Variants in CNGA3 observed in about 807,000 individuals in gnomAD.
The protein encoded by CNGA3 is cyclic nucleotide-gated channel alpha-3.
A neutral mutation model predicts 46.6 loss-of-function variants in CNGA3; 42 were observed. The observed-to-expected ratio is 0.90, with a 90% CI of 0.70 to 1.17. The LOEUF is 1.17. CNGA3 is among the 50% of genes most tolerant of loss of function. The pLI is 0.00. For missense variants in CNGA3, 893 were observed against 890.7 expected, an observed-to-expected ratio of 1.00 and a Z score of -0.03; for synonymous variants, 394 against 369.4, an observed-to-expected ratio of 1.07 and a Z score of -0.76.
chr2:98,380,430 T>C (rs1251588494), intron 4 of CNGA3, 76 bp downstream of exon 4: 1 of 1,524,552 alleles, frequency 6.6e-7, no homozygotes, highest in Non-Finnish European at 8.9e-7. Context: ...TGCTCCATCC[T>C]GTTTGGATGC....
chr2:98,349,514 A>T (rs1338456876), intron 1 of CNGA3, among the ~76,000 whole-genome samples: 1 of 152,216 alleles, frequency 6.6e-6, no homozygotes, highest in Non-Finnish European at 1.5e-5. Context: ...ACATTTATTC[A>T]TTCTATACTC....
intron 1 of CNGA3, among the ~76,000 whole-genome samples, chr2:98,367,251 G>T (rs1333780698): frequency 4.0e-5 from 6 of 148,910 alleles, no homozygotes; most frequent in Non-Finnish European, 7.4e-5. Context: ...CAGGAGTGCA[G>T]TGGCGCGATC....
chr2:98,396,634 A>C lies in CNGA3; in HGVS notation c.1464A>C (p.Ala488=), dbSNP rs1165495562. 1.2e-6 allele frequency: 2 copies of C among 1,614,016 alleles called. No individual in the cohort carries two copies. Among genetic ancestry groups the C allele is most frequent in the African/African-American group, 2.7e-5 (2 of 74,928 alleles). The change falls in exon 8 of 8, where the codon GCA becomes GCC. Residue 488 remains alanine (A), a synonymous_variant. Coordinates refer to ENST00000272602, the MANE Select transcript of CNGA3 (RefSeq NM_001298.3). ...KKVRIFQDCE[A]GLLVELVLKL... ...TTCGCATCTTCCAGGACTGTGAGGC[A>C]GGGCTGCTGGTGGAGCTGGTGCTGA...
At chr2:98,392,027 A>T in intron 7 of CNGA3, 57 bp downstream of exon 7, 2 of 1,491,708 alleles carry the variant, frequency 1.3e-6, no homozygotes, top group Non-Finnish European at 1.9e-6. Context: ...GTGTTCCGGG[A>T]GACCCAGCAT....
At chr2:98,360,915 T>C (rs893723542) in intron 1 of CNGA3, among the ~76,000 whole-genome samples, 1 of 152,188 alleles carries the variant, frequency 6.6e-6, no homozygotes, top group Non-Finnish European at 1.5e-5. Context: ...GCTTAGCACA[T>C]TGACTGGAAT....
rs899246842 is a variant in CNGA3 at position 98,397,604 on chromosome 2, T to C, written c.*349T>C. ...GGTGTTTTTAGGCTTTTTAATCTGA[T>C]TTTCTTATAAATGAAAGATTATTTA... On this transcript the variant is annotated 3_prime_UTR_variant, in exon 8 of 8. Transcript: ENST00000272602. 2.9e-6 allele frequency: 1 copy of C among 349,976 alleles called. No individual in the cohort carries two copies. The highest frequency in any genetic ancestry group is 4.6e-5 in the Admixed American group (1 of 21,740). 21.7% of individuals were successfully genotyped at this position (349,976 alleles called of 1,614,324 possible).
At chr2:98,377,556 C>A (rs759288692) in intron 2 of CNGA3, 131 bp from the exon 3 acceptor site, 17 of 832,010 alleles carry the variant, frequency 2.0e-5, no homozygotes, top group Admixed American at 8.1e-5. Flanking sequence ...AAGTGGGGAG[C>A]CCCTGGGATG....
Position 98,396,152 on chromosome 2 carries a change from A to C in CNGA3, c.982A>C (p.Ile328Leu), listed in dbSNP as rs765181562. Reference sequence around the variant, plus strand: ...CATCTACTTTGCCATTTCCAAGTTCATTGGTTTTGGGACAGACTCCTGGGT... The same window carrying C: ...CATCTACTTTGCCATTTCCAAGTTCCTTGGTTTTGGGACAGACTCCTGGGT... ...ACIYFAISKF[I>L]GFGTDSWVYP... The change falls in exon 8 of 8, where the codon ATT becomes CTT. Residue 328 changes from isoleucine to leucine, a missense_variant. Ile to Leu is a conservative substitution (Grantham distance 5, BLOSUM62 2). Around this residue, in one of 3 missense-constraint regions of CNGA3, gnomAD observed 548 missense variants for 570.8 expected, o/e 0.96. Transcript: ENST00000272602. 7 of 1,614,182 alleles carry C rather than the reference A, an allele frequency of 4.3e-6. No homozygotes were observed. The highest frequency in any genetic ancestry group is 5.9e-6 in the Non-Finnish European group (7 of 1,180,022).
chr2:98,374,908 A>G (rs1692370375), intron 2 of CNGA3, among the ~76,000 whole-genome samples: 1 of 152,244 alleles, frequency 6.6e-6, no homozygotes, highest in South Asian at 2.1e-4. Flanking sequence ...CCTTTCTGGT[A>G]ACTGAAATCC....
intron 1 of CNGA3, among the ~76,000 whole-genome samples, chr2:98,354,268 G>A (rs114249769): frequency 1.3e-3 from 200 of 152,202 alleles, no homozygotes; most frequent in African/African-American, 4.7e-3. Flanking sequence ...GTGATTGGTT[G>A]AATCTGCAGA....
chr2:98,397,088 C>G lies in CNGA3; in HGVS notation c.1918C>G (p.Leu640Val). The G allele has an allele frequency of 6.2e-6, 10 of 1,614,168 alleles. No homozygotes were observed. The highest frequency in any genetic ancestry group is 8.5e-6 in the Non-Finnish European group (10 of 1,180,022). ...GCAGCTGGGGTCCTCCCTGGACACC[C>G]TGCAGACCAGGTTTGCACGCCTCCT... Reference protein sequence around the residue: ...VEQLGSSLDTLQTRFARLLAE... With the variant: ...VEQLGSSLDTVQTRFARLLAE... The change falls in exon 8 of 8, where the codon CTG becomes GTG. Residue 640 changes from leucine to valine, a missense_variant. By Grantham distance (32) the Leu-to-Val change is conservative (BLOSUM62 1). This residue lies in a region of CNGA3 where 548 missense variants were observed against 570.8 expected (regional missense o/e 0.96). Coordinates refer to ENST00000272602, the MANE Select transcript of CNGA3 (RefSeq NM_001298.3).
intron 1 of CNGA3, among the ~76,000 whole-genome samples, chr2:98,352,925 G>A (rs1298611162): frequency 1.3e-5 from 2 of 152,140 alleles, no homozygotes; most frequent in Admixed American, 1.3e-4. Flanking sequence ...GAGCAATGCA[G>A]GGATTGGGGT....
intron 1 of CNGA3, among the ~76,000 whole-genome samples, chr2:98,368,400 G>T (rs1692211120): frequency 6.6e-6 from 1 of 152,232 alleles, no homozygotes; most frequent in Admixed American, 6.5e-5. Context: ...GAGAGCCTGT[G>T]CTAATCTATT....
At chr2:98,353,658 C>T (rs192098644) in intron 1 of CNGA3, among the ~76,000 whole-genome samples, 4 of 152,278 alleles carry the variant, frequency 2.6e-5, no homozygotes, top group East Asian at 3.9e-4. Flanking sequence ...TAATAAATAA[C>T]CTACTGTATT....
chr2:98,396,474 C>T lies in CNGA3; in HGVS notation c.1304C>T (p.Thr435Met), dbSNP rs758131725. 8.7e-5 allele frequency: 141 copies of T among 1,613,790 alleles called. No homozygotes were observed. The highest frequency in any genetic ancestry group is 1.6e-4 in the Middle Eastern group (1 of 6,084). ...CGCAAGGTCACCAAGGACTTGGAGA[C>T]GCGGGTTATCCGGTGGTTTGACTAC... ...QFRKVTKDLETRVIRWFDYLW... is the reference protein window; with the variant it reads ...QFRKVTKDLEMRVIRWFDYLW... Residue 435 changes from threonine (T) to methionine (M), a missense_variant, in exon 8 of 8, where the codon ACG (threonine) becomes ATG (methionine). This residue lies in a region of CNGA3 where 548 missense variants were observed against 570.8 expected (regional missense o/e 0.96). Transcript: ENST00000272602.
At chr2:98,355,672 A>G (rs1003536216) in intron 1 of CNGA3, 2 of 152,260 alleles carry the variant, frequency 1.3e-5, no homozygotes, top group African/African-American at 4.8e-5. Context: ...TGTCCCACTA[A>G]TTGTCTTTAT....
intron 5 of CNGA3, among the ~76,000 whole-genome samples, chr2:98,384,095 T>C (rs1692599623): frequency 6.6e-6 from 1 of 152,090 alleles, no homozygotes; most frequent in African/African-American, 2.4e-5. Flanking sequence ...TTCACCGTGT[T>C]AGCCAGGATG....
intron 1 of CNGA3, among the ~76,000 whole-genome samples, chr2:98,369,027 T>A (rs1190016318): frequency 6.6e-6 from 1 of 152,244 alleles, no homozygotes; most frequent in African/African-American, 2.4e-5. Context: ...TCTGGAATAA[T>A]GGCTGATAAT....
chr2:98,373,503 C>T (rs899854269), intron 2 of CNGA3, among the ~76,000 whole-genome samples: 1 of 152,146 alleles, frequency 6.6e-6, no homozygotes, highest in African/African-American at 2.4e-5. Flanking sequence ...GTCTCTGTCC[C>T]CTGAGACTTC....
Sources: gnomAD v4.1 joint callset for allele counts (sites outside exome capture counted in the v4.1 genomes callset) on GRCh38, gnomAD v4.1.1 for gene constraint, gnomAD v4.1.1 regional missense constraint, MANE v1.5 for transcripts, NCBI Gene and HGNC (gene_info 2026-07-23, HGNC 2026-07-21) for gene names.